Variants in PAX7 observed in about 807,000 individuals in gnomAD.
PAX7 encodes the protein paired box protein Pax-7.
PAX7 carries 18 observed loss-of-function variants against 50.7 expected under a neutral mutation model. That is an observed-to-expected ratio of 0.36 (90% CI 0.25 to 0.53). The LOEUF (loss-of-function observed/expected upper bound fraction) is 0.53. PAX7 is among the 20% of genes least tolerant of loss of function. The pLI is 0.93. For synonymous variants in PAX7, 310 were observed against 290.4 expected, an observed-to-expected ratio of 1.07 and a Z score of -0.69; for missense variants, 644 against 702.9, an observed-to-expected ratio of 0.92 and a Z score of 0.95.
intron 7 of PAX7, among the ~76,000 whole-genome samples, chr1:18,716,575 G>A (rs953407802): frequency 6.8e-6 from 1 of 147,316 alleles, no homozygotes; most frequent in Non-Finnish European, 1.5e-5. Context: ...TTCTCCCTTC[G>A]CGCCCCATTT....
At position 18,745,113 on chromosome 1, in the gene PAX7, C is replaced by A; in HGVS notation, c.*184C>A. The A allele has an allele frequency of 1.7e-6, 1 of 596,048 alleles. No individual in the cohort carries two copies. 36.9% of individuals were successfully genotyped at this position (596,048 alleles called of 1,614,324 possible). A position where few individuals can be genotyped will look rare whatever the true frequency, so the allele number is the denominator to read the frequency against. ...TTGTCACTCACCTGTGGTTAGGGAT[C>A]CAGAGTGATGCCCTTGGAGTCTGCT... On this transcript the variant is annotated 3_prime_UTR_variant, in exon 9 of 9. Transcript: ENST00000420770.
Position 18,634,427 on chromosome 1 carries a change from T to G in PAX7, c.210T>G (p.Cys70Trp). ...VEMAHHGIRP[C>W]VISRQLRVSH... ...TGGCCCACCATGGCATCCGGCCCTG[T>G]GTCATCTCCCGACAGCTGCGTGTCT... The change falls in exon 2 of 9, where the codon TGT (cysteine) becomes TGG (tryptophan). Residue 70 changes from cysteine (C) to tryptophan (W), a missense_variant. Physicochemically the swap from Cys to Trp is radical, Grantham distance 215. Transcript: ENST00000420770. This position sits in a 1 kb window ranked among gnomAD's most constrained non-coding sequence, Gnocchi z 4.0. 1.2e-6 allele frequency: 2 copies of G among 1,614,226 alleles called. No homozygotes were observed. The highest frequency in any genetic ancestry group is 8.5e-7 in the Non-Finnish European group (1 of 1,180,052).
In PAX7 at chr1:18,735,925, C is replaced by G. The variant is rs755552578; in HGVS notation, c.1402+47C>G. ...CGTCCCCCGTCCCCATTCCTTCTCC[C>G]ACCCCCAGGGCCTCCTGCTTGTTTA... On this transcript the variant is annotated intron_variant, in intron 8 of 8. Transcript: ENST00000420770. This position sits in a 1 kb window ranked among gnomAD's most constrained non-coding sequence, Gnocchi z 4.0. The G allele has an allele frequency of 1.9e-6, 3 of 1,613,880 alleles. No individual in the cohort carries two copies. The highest frequency in any genetic ancestry group is 2.7e-5 in the African/African-American group (2 of 74,918).
intron 4 of PAX7, among the ~76,000 whole-genome samples, chr1:18,688,042 A>T (rs1047955537): frequency 1.3e-5 from 2 of 152,166 alleles, no homozygotes; most frequent in Non-Finnish European, 2.9e-5. Context: ...CTTGAATTTT[A>T]TCTCTCAGTG....
chr1:18,667,486 C>G (rs541251989), intron 4 of PAX7, among the ~76,000 whole-genome samples: 2 of 151,714 alleles, frequency 1.3e-5, no homozygotes, highest in East Asian at 3.9e-4. Flanking sequence ...AGCAGCAGCC[C>G]GGTAAAAGCG....
intron 4 of PAX7, among the ~76,000 whole-genome samples, chr1:18,672,561 C>T (rs1415160417): frequency 2.0e-5 from 3 of 151,434 alleles, no homozygotes; most frequent in African/African-American, 7.3e-5. Flanking sequence ...AGTGTCCCCT[C>T]CTGCCAAATG....
At chr1:18,716,981 C>CG (rs771391853) in intron 7 of PAX7, among the ~76,000 whole-genome samples, 1 of 948 alleles carries the variant, frequency 1.1e-3, no homozygotes, top group Non-Finnish European at 4.8e-3. Flanking sequence ...GTTGGGGCGG[C>CG]GGCCGGAGCG....
chr1:18,744,785 T>C, intron 8 of PAX7, 29 bp from the exon 9 acceptor site: 2 of 1,365,932 alleles, frequency 1.5e-6, no homozygotes, highest in Non-Finnish European at 2.0e-6. Flanking sequence ...AGAACCTCAA[T>C]TTCTAGGAGA....
chr1:18,662,567 T>TGTTTG (rs1339248910), intron 4 of PAX7, among the ~76,000 whole-genome samples: 1 of 152,088 alleles, frequency 6.6e-6, no homozygotes. Context: ...TTTGTTTGTT[T>TGTTTG]GTTTTGTTTT....
At chr1:18,703,029 C>A in intron 6 of PAX7, 65 bp from the exon 7 acceptor site, 1 of 1,458,044 alleles carries the variant, frequency 6.9e-7, no homozygotes, top group Non-Finnish European at 9.5e-7. Flanking sequence ...TTGCCTTCTG[C>A]TCTCAGAGGC....
intron 4 of PAX7, among the ~76,000 whole-genome samples, chr1:18,643,104 GC>G (rs1310588970): frequency 5.3e-5 from 8 of 152,200 alleles, no homozygotes; most frequent in Admixed American, 2.6e-4. Context: ...AGTTGTGTGC[GC>G]CCCAAGTCCA....
intron 4 of PAX7, among the ~76,000 whole-genome samples, chr1:18,674,844 AC>A: frequency 6.7e-6 from 1 of 150,280 alleles, no homozygotes; most frequent in South Asian, 2.1e-4. Flanking sequence ...ATTGTGAACC[AC>A]CCCCACCAAC....
chr1:18,685,923 C>T (rs1312890297), intron 4 of PAX7, among the ~76,000 whole-genome samples: 1 of 152,166 alleles, frequency 6.6e-6, no homozygotes, highest in Non-Finnish European at 1.5e-5. Flanking sequence ...ATCACCATCA[C>T]CATCACCATC....
intron 4 of PAX7, among the ~76,000 whole-genome samples, chr1:18,658,778 T>C (rs922465454): frequency 1.3e-5 from 2 of 152,114 alleles, no homozygotes; most frequent in Non-Finnish European, 2.9e-5. Flanking sequence ...CTGGGCAAGG[T>C]TGTAGGAGAG....
chr1:18,691,946 G>T lies in PAX7; in HGVS notation c.779G>T (p.Arg260Leu), dbSNP rs778485142. 1 of 1,612,896 alleles carries T rather than the reference G, an allele frequency of 6.2e-7. No individual in the cohort carries two copies. Among genetic ancestry groups the T allele is most frequent in the African/African-American group, 1.3e-5 (1 of 74,916 alleles). Reference protein sequence around the residue: ...LAQRTKLTEARVQVWFSNRRA... With the variant: ...LAQRTKLTEALVQVWFSNRRA... Reference sequence around the variant, plus strand: ...CAGAGGACCAAGCTGACAGAGGCGCGTGTGCAGGTGAGGAGGCACCTGCGG... The same window carrying T: ...CAGAGGACCAAGCTGACAGAGGCGCTTGTGCAGGTGAGGAGGCACCTGCGG... The change falls in exon 5 of 9, where the codon CGT becomes CTT. Residue 260 changes from arginine to leucine, a missense_variant. Arg to Leu is a moderately radical substitution (Grantham distance 102, BLOSUM62 -2). Coordinates refer to ENST00000420770, the MANE Select transcript of PAX7 (RefSeq NM_001135254.2).
Position 18,745,804 on chromosome 1 carries a change from G to C in PAX7, c.*875G>C, listed in dbSNP as rs1931416605. ...AACTTTTCAGTTTCCTTCATTAGCT[G>C]AATCAGATGAGATGGGGAGGGGATA... On this transcript the variant is annotated 3_prime_UTR_variant, in exon 9 of 9. Coordinates refer to ENST00000420770, the MANE Select transcript of PAX7 (RefSeq NM_001135254.2). The C allele has an allele frequency of 4.3e-6, 1 of 232,212 alleles. No individual in the cohort carries two copies. Among genetic ancestry groups the C allele is most frequent in the Non-Finnish European group, 8.5e-6 (1 of 117,460 alleles). The allele number at this position is 232,212 out of a possible 1,614,324, so 14.4% of individuals were successfully genotyped here.
At chr1:18,651,803 T>TCCCCCCCCC (rs2088435449) in intron 4 of PAX7, among the ~76,000 whole-genome samples, 2 of 60,828 alleles carry the variant, frequency 3.3e-5, no homozygotes, top group Non-Finnish European at 3.3e-5. Flanking sequence ...GTGCCACCCC[T>TCCCCCCCCC]CCCCCTCTCC....
In PAX7 at chr1:18,635,212, G is replaced by A. The variant is rs765702601; in HGVS notation, c.423G>A (p.Gly141=). The part of the protein sequence containing the change: ...WEIRDRLLKD[G]HCDRSTVPSG... ...TCCGGGACAGGCTGCTGAAGGATGG[G>A]CACTGTGACCGAAGCACTGTGCCCT... The change falls in exon 3 of 9, where the codon GGG becomes GGA. Residue 141 remains glycine, a synonymous_variant. Coordinates refer to ENST00000420770, the MANE Select transcript of PAX7 (RefSeq NM_001135254.2). 15 of 1,613,846 alleles carry A rather than the reference G, an allele frequency of 9.3e-6. No individual in the cohort carries two copies. The highest frequency in any genetic ancestry group is 1.2e-5 in the Non-Finnish European group (14 of 1,179,878).
rs577072902 is a variant in PAX7, at chr1:18,651,394, G to A, written c.586+15023G>A. 8.5e-5 allele frequency among the ~76,000 whole-genome samples: 13 copies of A among 152,054 alleles called. No individual in the cohort carries two copies. In the South Asian group the frequency reaches 2.5e-3, roughly 29 times the overall value. On this transcript the variant is annotated intron_variant, in intron 4 of 8. Coordinates refer to ENST00000420770, the MANE Select transcript of PAX7 (RefSeq NM_001135254.2). ...AAGTAATATGTACTTGTAAAATTTC[G>A]CATCGTAAAAAAGTATATAAAATAA...
Sources: allele counts gnomAD v4.1 joint callset (sites outside exome capture counted in the v4.1 genomes callset), GRCh38; gene constraint gnomAD v4.1.1; non-coding constraint Gnocchi (gnomAD v3.1); transcripts MANE v1.5; gene names NCBI Gene and HGNC (gene_info 2026-07-23, HGNC 2026-07-21).